Variants in RNGTT observed in about 807,000 individuals in gnomAD.
The protein encoded by RNGTT is RNA guanylyltransferase and 5'-phosphatase.
RNGTT carries 33 observed loss-of-function variants against 79.3 expected under a neutral mutation model. The ratio of observed to expected loss-of-function variants is 0.42; its 90% CI spans 0.32 to 0.56. RNGTT has a LOEUF of 0.56. Ranked by LOEUF, RNGTT falls within the 20% of genes least tolerant of loss-of-function variation. The pLI is 0.17. For missense variants in RNGTT, 497 were observed against 739.1 expected, an observed-to-expected ratio of 0.67 and a Z score of 3.80; for synonymous variants, 222 against 235.9, an observed-to-expected ratio of 0.94 and a Z score of 0.54.
intron 2 of RNGTT, among the ~76,000 whole-genome samples, chr6:88,932,623 G>A (rs13193693): frequency 0.097 from 14,693 of 152,116 alleles, 922 homozygotes; most frequent in Middle Eastern, 0.2. Flanking sequence ...CCGACATTTA[G>A]GGAAAATAGA....
At chr6:88,960,111 C>T (rs1373314637) in intron 1 of RNGTT, among the ~76,000 whole-genome samples, 2 of 152,210 alleles carry the variant, frequency 1.3e-5, no homozygotes, top group Non-Finnish European at 2.9e-5. Context: ...TCATATACCA[C>T]AATAGAGTCA....
intron 13 of RNGTT, among the ~76,000 whole-genome samples, chr6:88,712,408 C>T (rs372065294): frequency 3.3e-5 from 5 of 152,102 alleles, no homozygotes; most frequent in Admixed American, 1.3e-4. Context: ...TGGACTCCAG[C>T]GATCCTCCCA....
intron 14 of RNGTT, among the ~76,000 whole-genome samples, chr6:88,677,553 A>T (rs1238560383): frequency 6.6e-6 from 1 of 151,854 alleles, no homozygotes; most frequent in Non-Finnish European, 1.5e-5. Flanking sequence ...TGCAACCTTG[A>T]CCTCCCAGGT....
chr6:88,802,332 G>A (rs543363559), intron 11 of RNGTT, among the ~76,000 whole-genome samples: 17 of 151,726 alleles, frequency 1.1e-4, no homozygotes, highest in African/African-American at 3.4e-4. Context: ...AGAATACACC[G>A]TGAAAAATAC....
chr6:88,736,338 A>AAT (rs1777284629), intron 13 of RNGTT, among the ~76,000 whole-genome samples: 8 of 152,204 alleles, frequency 5.3e-5, no homozygotes, highest in Admixed American at 5.2e-4. Context: ...ACATTACCTT[A>AAT]ATACCAAAAT....
In RNGTT at chr6:88,698,222, CATATATATATGAA is replaced by C. The variant is rs1415257667; in HGVS notation, c.1440-19816_1440-19804del. ...TATGATATATATGAAATATATATAT[CATATATATATGAA>C]ATATATATATGAAATATATATATAA... On this transcript the variant is annotated intron_variant, in intron 13 of 15. Coordinates refer to ENST00000369485, the MANE Select transcript of RNGTT (RefSeq NM_003800.5). Among the ~76,000 whole-genome samples, 75 of 70,852 alleles carry C rather than the reference CATATATATATGAA, an allele frequency of 1.1e-3. 3 individuals carry two copies. Among genetic ancestry groups the C allele is most frequent in the African/African-American group, 2.4e-3 (18 of 7,362 alleles). 46.5% of individuals were successfully genotyped at this position (70,852 alleles called of 152,430 possible).
Position 88,930,550 on chromosome 6 carries a change from A to T in RNGTT, c.175-1283T>A, listed in dbSNP as rs191186179. ...CATATAAAAACAAGGTAAATTGTTT[A>T]AAAAAAAGTTTCATTTTCTGTAAAA... On this transcript the variant is annotated intron_variant, in intron 2 of 15. Transcript: ENST00000369485. Among the ~76,000 whole-genome samples, 737 of 139,848 alleles carry T rather than the reference A, an allele frequency of 5.3e-3. 2 individuals are homozygous for T. The highest frequency in any genetic ancestry group is 0.02 in the African/African-American group (693 of 35,356). The allele number at this position is 139,848 out of a possible 152,430, so 91.7% of individuals were successfully genotyped here. A position where few individuals can be genotyped will look rare whatever the true frequency, so the allele number is the denominator to read the frequency against.
intron 1 of RNGTT, among the ~76,000 whole-genome samples, chr6:88,954,005 A>G (rs1785343526): frequency 6.6e-6 from 1 of 152,210 alleles, no homozygotes; most frequent in Non-Finnish European, 1.5e-5. Context: ...AAAACCTCAA[A>G]ATACACCAAA....
intron 14 of RNGTT, among the ~76,000 whole-genome samples, chr6:88,643,845 T>A (rs9344832): frequency 0.11 from 17,288 of 152,138 alleles, 1,104 homozygotes; most frequent in Middle Eastern, 0.21. Context: ...TGGGACACAT[T>A]TAAAGCGGTG....
chr6:88,946,795 C>G (rs1785029391), intron 1 of RNGTT, among the ~76,000 whole-genome samples: 2 of 146,386 alleles, frequency 1.4e-5, no homozygotes, highest in Non-Finnish European at 3.0e-5. Flanking sequence ...CCTGCGATTG[C>G]AGGCACGCGC....
chr6:88,634,733 T>C (rs1046512592), intron 14 of RNGTT, among the ~76,000 whole-genome samples: 1 of 152,056 alleles, frequency 6.6e-6, no homozygotes, highest in African/African-American at 2.4e-5. Context: ...TTAGAGGAGA[T>C]ATTTTTGCAA....
At chr6:88,806,325 T>G (rs1207080580) in intron 11 of RNGTT, among the ~76,000 whole-genome samples, 1 of 151,420 alleles carries the variant, frequency 6.6e-6, no homozygotes, top group African/African-American at 2.4e-5. Flanking sequence ...ACGCTTTTTT[T>G]TTTTTTTTTT....
At chr6:88,798,542 C>T (rs1304923300) in intron 12 of RNGTT, among the ~76,000 whole-genome samples, 4 of 151,418 alleles carry the variant, frequency 2.6e-5, no homozygotes, top group Non-Finnish European at 5.9e-5. Flanking sequence ...ATACCTAGAT[C>T]CAAAAGTATG....
At chr6:88,771,336 TATATATATATATATACAC>T (rs1215998859) in intron 12 of RNGTT, among the ~76,000 whole-genome samples, 5 of 118,256 alleles carry the variant, frequency 4.2e-5, no homozygotes, top group African/African-American at 1.3e-4. Context: ...TATATATATA[TATATATATATATATACAC>T]ACACACACAC....
At position 88,824,660 on chromosome 6, in the gene RNGTT, G is replaced by A. The variant is rs137866449; in HGVS notation, c.1269+19697C>T. On this transcript the variant is annotated intron_variant, in intron 11 of 15. Transcript: ENST00000369485. ...ACATTTTCATCTTATAGAAAGTTCC[G>A]TTGGACAGGTCTGCTTTGAAAGAAA... Among the ~76,000 whole-genome samples the A allele has an allele frequency of 2.7e-4, 41 of 151,948 alleles. No individual in the cohort carries two copies. In the East Asian group the frequency reaches 7.3e-3, roughly 27 times the overall value.
At chr6:88,726,764 G>A (rs1776921671) in intron 13 of RNGTT, among the ~76,000 whole-genome samples, 1 of 152,206 alleles carries the variant, frequency 6.6e-6, no homozygotes, top group Non-Finnish European at 1.5e-5. Context: ...AATCAGGAAA[G>A]ACCCATCTAT....
intron 4 of RNGTT, among the ~76,000 whole-genome samples, chr6:88,907,474 C>T (rs1353858582): frequency 6.6e-6 from 1 of 152,128 alleles, no homozygotes; most frequent in Non-Finnish European, 1.5e-5. Flanking sequence ...CCACTTAAGA[C>T]GTGCCTGTTT....
Position 88,678,390 on chromosome 6 carries a change from T to A in RNGTT, c.1469A>T (p.Tyr490Phe), listed in dbSNP as rs758707307. The A allele has an allele frequency of 6.8e-7, 1 of 1,479,182 alleles. No homozygotes were observed. Among genetic ancestry groups the A allele is most frequent in the Non-Finnish European group, 9.0e-7 (1 of 1,108,146 alleles). 91.6% of individuals were successfully genotyped at this position (1,479,182 alleles called of 1,614,324 possible). A position where few individuals can be genotyped will look rare whatever the true frequency, so the allele number is the denominator to read the frequency against. Residue 490 changes from tyrosine (Y) to phenylalanine (F), a missense_variant, in exon 14 of 16, where the codon TAT becomes TTT. By Grantham distance (22) the Tyr-to-Phe change is conservative (BLOSUM62 3). Around this residue, in one of 3 missense-constraint regions of RNGTT, gnomAD observed 440 missense variants for 671.5 expected, o/e 0.66. Transcript: ENST00000369485. Reference protein sequence around the residue: ...GLLPQNVGLLYVGGYERPFAQ... With the variant: ...GLLPQNVGLLFVGGYERPFAQ... ...AAAGGGTCTTTCATAACCTCCAACA[T>A]ACAGGAGGCCAACATTCTGAGGAAG...
At chr6:88,627,389 C>T (rs1277075479) in intron 14 of RNGTT, among the ~76,000 whole-genome samples, 3 of 152,076 alleles carry the variant, frequency 2.0e-5, no homozygotes, top group Admixed American at 2.0e-4. Flanking sequence ...CTTTCAAGGA[C>T]ATGCTAACAA....
Sources: allele counts gnomAD v4.1 joint callset (sites outside exome capture counted in the v4.1 genomes callset), GRCh38; gene constraint gnomAD v4.1.1; regional missense constraint gnomAD v4.1.1; transcripts MANE v1.5; gene names NCBI Gene and HGNC (gene_info 2026-07-23, HGNC 2026-07-21).